NDUFAF2: variants seen among roughly 807,000 people sequenced by gnomAD.
NDUFAF2 encodes the protein NADH dehydrogenase [ubiquinone] 1 alpha subcomplex assembly factor 2.
In NDUFAF2, 13 loss-of-function variants were observed where a neutral mutation model predicts 22.8. The observed-to-expected ratio is 0.57, with a 90% CI of 0.37 to 0.91. The LOEUF (loss-of-function observed/expected upper bound fraction) is 0.91. Ranked by LOEUF, NDUFAF2 falls within the 40% of genes least tolerant of loss-of-function variation. The probability of loss-of-function intolerance (pLI) is 0.01; values close to 1 mark genes in which losing one functional copy is unlikely to be tolerated. For missense variants in NDUFAF2, 162 were observed against 195.2 expected, an observed-to-expected ratio of 0.83 and a Z score of 1.01; for synonymous variants, 53 against 64.2, an observed-to-expected ratio of 0.83 and a Z score of 0.84.
chr5:60,999,027 T>C (rs1231618769), intron 1 of NDUFAF2, among the ~76,000 whole-genome samples: 1 of 151,944 alleles, frequency 6.6e-6, no homozygotes, highest in Non-Finnish European at 1.5e-5. Flanking sequence ...ATGTAGTAGA[T>C]TGTGTATATT....
chr5:61,018,469 T>C (rs1453814585), intron 1 of NDUFAF2, among the ~76,000 whole-genome samples: 1 of 152,198 alleles, frequency 6.6e-6, no homozygotes, highest in African/African-American at 2.4e-5. Flanking sequence ...TCAGTATTTA[T>C]GTTGGAACTG....
intron 3 of NDUFAF2, among the ~76,000 whole-genome samples, chr5:61,121,888 T>C (rs34758861): frequency 6.6e-6 from 1 of 151,204 alleles, no homozygotes; most frequent in Admixed American, 6.6e-5. Context: ...TGGAATACAG[T>C]GGCATGATCT....
At chr5:61,015,703 T>C (rs1751498275) in intron 1 of NDUFAF2, among the ~76,000 whole-genome samples, 1 of 152,244 alleles carries the variant, frequency 6.6e-6, no homozygotes, top group Admixed American at 6.5e-5. Context: ...AAATTCTGCA[T>C]GTCAGAATAG....
At chr5:61,033,250 T>C (rs1456710129) in intron 1 of NDUFAF2, among the ~76,000 whole-genome samples, 4 of 152,190 alleles carry the variant, frequency 2.6e-5, no homozygotes, top group Admixed American at 2.0e-4. Context: ...ATCACTATTA[T>C]GTTTTCACAT....
At chr5:61,056,979 T>C (rs567106583) in intron 1 of NDUFAF2, among the ~76,000 whole-genome samples, 1 of 141,602 alleles carries the variant, frequency 7.1e-6, no homozygotes, top group African/African-American at 2.7e-5. Flanking sequence ...TAAAAACTTT[T>C]GATGGAATTT....
chr5:60,965,023 A>T, intron 1 of NDUFAF2, among the ~76,000 whole-genome samples: 1 of 151,830 alleles, frequency 6.6e-6, no homozygotes, highest in Non-Finnish European at 1.5e-5. Context: ...ATGCAGTACT[A>T]GGAAGAGGTT....
intron 2 of NDUFAF2, among the ~76,000 whole-genome samples, chr5:61,073,469 A>G (rs915676796): frequency 6.6e-6 from 1 of 152,242 alleles, no homozygotes; most frequent in Non-Finnish European, 1.5e-5. Context: ...GAGGCAAGCC[A>G]AAATCCTAAG....
At chr5:61,121,763 C>T (rs1752978676) in intron 3 of NDUFAF2, among the ~76,000 whole-genome samples, 3 of 152,002 alleles carry the variant, frequency 2.0e-5, no homozygotes, top group South Asian at 2.1e-4. Context: ...GGGAAAAAAA[C>T]ATTCCCTCTA....
chr5:61,033,463 C>T (rs34593), intron 1 of NDUFAF2, among the ~76,000 whole-genome samples: 96,161 of 151,846 alleles, frequency 0.63, 30,853 homozygotes, highest in East Asian at 0.94. Flanking sequence ...ATAAATGTTT[C>T]GTCTTATTCC....
chr5:60,962,243 A>G (rs1329071133), intron 1 of NDUFAF2, among the ~76,000 whole-genome samples: 2 of 151,898 alleles, frequency 1.3e-5, no homozygotes, highest in Non-Finnish European at 2.9e-5. Flanking sequence ...ATAGCACAAT[A>G]TGACATTCTT....
chr5:60,964,132 T>C (rs1750724591), intron 1 of NDUFAF2, among the ~76,000 whole-genome samples: 1 of 152,184 alleles, frequency 6.6e-6, no homozygotes, highest in Admixed American at 6.5e-5. Context: ...TTTTTTGATG[T>C]TGTTTTTGTT....
intron 1 of NDUFAF2, among the ~76,000 whole-genome samples, chr5:61,029,610 G>A (rs1287457945): frequency 1.3e-5 from 2 of 152,208 alleles, no homozygotes; most frequent in East Asian, 3.9e-4. Flanking sequence ...ATTTTTTGAA[G>A]TACTATTGTT....
At chr5:60,957,690 G>A (rs1173186219) in intron 1 of NDUFAF2, among the ~76,000 whole-genome samples, 2 of 151,968 alleles carry the variant, frequency 1.3e-5, no homozygotes, top group Admixed American at 6.6e-5. Flanking sequence ...ATTGTGCTCT[G>A]GTAGAATTAC....
chr5:61,129,618 A>G lies in NDUFAF2; in HGVS notation c.259-23086A>G, dbSNP rs1753082954. ...GAGAACACTTGGACACAGGAAGGGG[A>G]ACATCACACAATGGGGCCTGTTGTG... is the stretch of plus-strand genomic sequence containing the variant. On this transcript the variant is annotated intron_variant, in intron 3 of 3. Transcript: ENST00000296597. Among the ~76,000 whole-genome samples the G allele has an allele frequency of 2.8e-5, 4 of 145,368 alleles. No individual in the cohort carries two copies. In the South Asian group the frequency reaches 7.2e-4, roughly 26 times the overall value.
intron 3 of NDUFAF2, among the ~76,000 whole-genome samples, chr5:61,109,980 G>A (rs1287029075): frequency 6.6e-6 from 1 of 152,150 alleles, no homozygotes; most frequent in East Asian, 1.9e-4. Flanking sequence ...TTGTGTTGAG[G>A]TATGTTCCTT....
Position 61,105,635 on chromosome 5 carries a change from A to T in NDUFAF2, c.258+6603A>T, listed in dbSNP as rs1175172259. ...CAGAAGCAATGATACTGAGCAAAAA[A>T]AAAAAAAAAGCAGCTACAGAAGATG... On this transcript the variant is annotated intron_variant, in intron 3 of 3. Transcript: ENST00000296597. Among the ~76,000 whole-genome samples, 7 of 150,840 alleles carry T rather than the reference A, an allele frequency of 4.6e-5. 1 individual carries two copies. Among genetic ancestry groups the T allele is most frequent in the African/African-American group, 9.9e-5 (4 of 40,574 alleles).
chr5:61,127,008 C>A (rs1404481620), intron 3 of NDUFAF2, among the ~76,000 whole-genome samples: 1 of 152,118 alleles, frequency 6.6e-6, no homozygotes, highest in Admixed American at 6.6e-5. Context: ...CTATAAACAC[C>A]TCTACGCAAA....
chr5:61,115,887 G>A (rs771110189), intron 3 of NDUFAF2: 35 of 152,124 alleles, frequency 2.3e-4, no homozygotes, highest in Non-Finnish European at 4.0e-4. Context: ...ATCGTACAAC[G>A]AGACAACTGC....
chr5:61,091,757 A>G (rs937686762), intron 2 of NDUFAF2, among the ~76,000 whole-genome samples: 2 of 152,160 alleles, frequency 1.3e-5, no homozygotes, highest in African/African-American at 4.8e-5. Context: ...GTGTCTTCTC[A>G]TGAAATTTTT....
Sources: allele counts gnomAD v4.1 joint callset (sites outside exome capture counted in the v4.1 genomes callset), GRCh38; gene constraint gnomAD v4.1.1; transcripts MANE v1.5; gene names NCBI Gene and HGNC (gene_info 2026-07-23, HGNC 2026-07-21).